Variants in VAV1 observed in about 807,000 individuals in gnomAD.
The protein encoded by VAV1 is vav guanine nucleotide exchange factor 1, also known as proto-oncogene vav.
In VAV1, 33 loss-of-function variants were observed where a neutral mutation model predicts 128.1. The ratio of observed to expected loss-of-function variants is 0.26; its 90% CI spans 0.20 to 0.34. The LOEUF (loss-of-function observed/expected upper bound fraction) is 0.34. Ranked by LOEUF, VAV1 falls within the 10% of genes least tolerant of loss-of-function variation. The probability of loss-of-function intolerance (pLI) is 1.00; values close to 1 mark genes in which losing one functional copy is unlikely to be tolerated. For synonymous variants in VAV1, 394 were observed against 409.8 expected (o/e 0.96, Z 0.47); for missense variants, 715 against 1,093.7 (o/e 0.65, Z 4.88).
At position 6,826,728 on chromosome 19, in the gene VAV1, T is replaced by C. The variant is rs1269745899; in HGVS notation, c.927+17T>C. On this transcript the variant is annotated intron_variant, in intron 9 of 26. Coordinates refer to ENST00000602142, the MANE Select transcript of VAV1 (RefSeq NM_005428.4). This position sits in a 1 kb window ranked among gnomAD's most constrained non-coding sequence, Gnocchi z 4.1. ...AAGCTGGAGGTGGGCGCCGGGCCACTTCTCGGGGGCCTCTCCCGCTCCTCC... is the reference window on the plus strand; with the variant it reads ...AAGCTGGAGGTGGGCGCCGGGCCACCTCTCGGGGGCCTCTCCCGCTCCTCC... 4 of 1,534,266 alleles carry C rather than the reference T, an allele frequency of 2.6e-6. No individual in the cohort carries two copies. In the East Asian group the frequency reaches 7.3e-5, roughly 28 times the overall value.
chr19:6,807,248 A>G (rs930541743), intron 1 of VAV1, among the ~76,000 whole-genome samples: 2 of 151,986 alleles, frequency 1.3e-5, no homozygotes, highest in Admixed American at 1.3e-4. Flanking sequence ...TATACAACTC[A>G]CCATAATGTA....
rs146174304 is a variant in VAV1, at chr19:6,803,003, A to T, written c.205-17699A>T. Among the ~76,000 whole-genome samples the T allele has an allele frequency of 1.6e-4, 25 of 152,290 alleles. No individual in the cohort carries two copies. The East Asian group carries it at 4.4e-3, about 27-fold the overall frequency. ...AGTCTTTGTAGCGGCTTTATTCATGATTGCTGAAACTGGGAGGCAACAAAT... is the reference window on the plus strand; with the variant it reads ...AGTCTTTGTAGCGGCTTTATTCATGTTTGCTGAAACTGGGAGGCAACAAAT... On this transcript the variant is annotated intron_variant, in intron 1 of 26. Transcript: ENST00000602142.
At chr19:6,841,478 CTTT>C (rs35484934) in intron 21 of VAV1, among the ~76,000 whole-genome samples, 5 of 135,626 alleles carry the variant, frequency 3.7e-5, no homozygotes, top group Admixed American at 7.6e-5. Flanking sequence ...TTTTTCTTTT[CTTT>C]TTTTTTTTTT....
Position 6,828,009 on chromosome 19 carries a change from C to T in VAV1, c.928-67C>T. The T allele has an allele frequency of 7.2e-7, 1 of 1,383,700 alleles. No individual in the cohort carries two copies. Among genetic ancestry groups the T allele is most frequent in the South Asian group, 1.2e-5 (1 of 86,008 alleles). The allele number at this position is 1,383,700 out of a possible 1,614,324, so 85.7% of individuals were successfully genotyped here. On this transcript the variant is annotated intron_variant, in intron 9 of 26. Transcript: ENST00000602142. This position sits in a 1 kb window ranked among gnomAD's most constrained non-coding sequence, Gnocchi z 4.5. ...TCACGTATTTATTCAAATCTATCTG[C>T]ACCCACCCTGCAACTGGCTGTTTCT...
At chr19:6,817,338 A>G (rs1004852617) in intron 1 of VAV1, among the ~76,000 whole-genome samples, 1 of 151,962 alleles carries the variant, frequency 6.6e-6, no homozygotes, top group East Asian at 2.0e-4. Context: ...TGCTGCGATT[A>G]CAGGGATGAG....
chr19:6,822,266 T>G lies in VAV1; in HGVS notation c.495T>G (p.Asn165Lys). Residue 165 changes from asparagine to lysine, a missense_variant, in exon 5 of 27, where the codon AAT becomes AAG. Physicochemically the swap from Asn to Lys is moderately conservative, Grantham distance 94. Transcript: ENST00000602142. This position sits in a 1 kb window ranked among gnomAD's most constrained non-coding sequence, Gnocchi z 5.9. ...AGGACCTGTATGACTGCGTGGAGAATGAGGAGGCGGAAGGCGACGAGATCT... is the reference window on the plus strand; with the variant it reads ...AGGACCTGTATGACTGCGTGGAGAAGGAGGAGGCGGAAGGCGACGAGATCT... ...EDEDLYDCVE[N>K]EEAEGDEIYE... is the part of the protein sequence containing the mutation. 6.3e-7 allele frequency: 1 copy of G among 1,592,212 alleles called. No homozygotes were observed. Among genetic ancestry groups the G allele is most frequent in the Non-Finnish European group, 8.5e-7 (1 of 1,171,180 alleles).
At chr19:6,852,669 C>G (rs1280666489) in intron 24 of VAV1, among the ~76,000 whole-genome samples, 1 of 150,788 alleles carries the variant, frequency 6.6e-6, no homozygotes, top group Non-Finnish European at 1.5e-5. Flanking sequence ...TGCAGTGAGC[C>G]GAGATTGCGC....
chr19:6,813,754 T>C (rs1971561642), intron 1 of VAV1, among the ~76,000 whole-genome samples: 1 of 152,130 alleles, frequency 6.6e-6, no homozygotes, highest in African/African-American at 2.4e-5. Context: ...ATTGAAGATT[T>C]TAAAACTTGA....
chr19:6,839,748 A>G (rs547702771), intron 21 of VAV1, among the ~76,000 whole-genome samples: 6 of 152,134 alleles, frequency 3.9e-5, no homozygotes, highest in South Asian at 2.1e-4. Context: ...CTGGAGTGCA[A>G]TGGTGCAATC....
chr19:6,807,788 C>T lies in VAV1; in HGVS notation c.205-12914C>T, dbSNP rs773309888. On this transcript the variant is annotated intron_variant, in intron 1 of 26. Transcript: ENST00000602142. ...TGGGCAGATCATGAGGTCAGGAGTT[C>T]GAGACTAGTCTGACCAAGATGGTGA... Among the ~76,000 whole-genome samples, 6 of 151,420 alleles carry T rather than the reference C, an allele frequency of 4.0e-5. No homozygotes were observed. In the South Asian group the frequency reaches 6.3e-4, roughly 16 times the overall value.
At chr19:6,805,619 C>CACACACACACAT (rs1971380348) in intron 1 of VAV1, among the ~76,000 whole-genome samples, 1 of 149,664 alleles carries the variant, frequency 6.7e-6, no homozygotes, top group Non-Finnish European at 1.5e-5. Flanking sequence ...CACACATACA[C>CACACACACACAT]GCACACACAC....
chr19:6,833,147 C>T (rs1004660012), intron 15 of VAV1, 37 bp from the exon 16 acceptor site: 22 of 1,430,348 alleles, frequency 1.5e-5, no homozygotes, highest in Non-Finnish European at 2.1e-5. Context: ...AAAATACTGA[C>T]CTTCTTTTTT....
At chr19:6,793,430 G>C (rs1336330202) in intron 1 of VAV1, among the ~76,000 whole-genome samples, 1 of 152,084 alleles carries the variant, frequency 6.6e-6, no homozygotes, top group African/African-American at 2.4e-5. Flanking sequence ...GACAAATCCT[G>C]TTTGTTGGTA....
rs79255239 is a variant in VAV1 at position 6,790,764 on chromosome 19, T to C, written c.204+17753T>C. ...CAGTGCTGCAGGCATATTTATCCCG[T>C]TTTAATTATATGCAAATCAAGGGGT... On this transcript the variant is annotated intron_variant, in intron 1 of 26. Coordinates refer to ENST00000602142, the MANE Select transcript of VAV1 (RefSeq NM_005428.4). 3.9e-3 allele frequency among the ~76,000 whole-genome samples: 597 copies of C among 152,262 alleles called. 6 individuals are homozygous for C. The highest frequency in any genetic ancestry group is 0.013 in the African/African-American group (554 of 41,548).
At chr19:6,787,204 C>A (rs1260906214) in intron 1 of VAV1, among the ~76,000 whole-genome samples, 1 of 152,100 alleles carries the variant, frequency 6.6e-6, no homozygotes, top group East Asian at 1.9e-4. Flanking sequence ...GAGACAGGGT[C>A]TCACTCTGTC....
intron 19 of VAV1, among the ~76,000 whole-genome samples, chr19:6,835,165 C>G (rs1972189256): frequency 6.6e-6 from 1 of 151,270 alleles, no homozygotes; most frequent in African/African-American, 2.4e-5. Flanking sequence ...TTAGAAACAA[C>G]CCGTGTCCTT....
rs368374146 is a variant in VAV1 at position 6,825,117 on chromosome 19, T to C, written c.719T>C (p.Ile240Thr). Residue 240 changes from isoleucine to threonine, a missense_variant, in exon 7 of 27, where the codon ATT becomes ACT. Transcript: ENST00000602142. ...GACATTGAGATCATCTTTATCAACATTGAGGTGAGCCGGCCGATCCCCAGC... is the reference window on the plus strand; with the variant it reads ...GACATTGAGATCATCTTTATCAACACTGAGGTGAGCCGGCCGATCCCCAGC... ...PQDIEIIFINIEDLLRVHTHF... is the reference protein window; with the variant it reads ...PQDIEIIFINTEDLLRVHTHF... 1.3e-5 allele frequency: 21 copies of C among 1,612,204 alleles called. No homozygotes were observed. Among genetic ancestry groups the C allele is most frequent in the African/African-American group, 6.7e-5 (5 of 74,848 alleles).
At chr19:6,787,878 C>G (rs1490411742) in intron 1 of VAV1, among the ~76,000 whole-genome samples, 1 of 151,910 alleles carries the variant, frequency 6.6e-6, no homozygotes, top group Non-Finnish European at 1.5e-5. Context: ...AGATCGAGAC[C>G]ATCCTGGCTA....
chr19:6,807,751 G>T (rs28835675), intron 1 of VAV1, among the ~76,000 whole-genome samples: 3 of 151,598 alleles, frequency 2.0e-5, no homozygotes, highest in Admixed American at 6.6e-5. Flanking sequence ...CCAGCACTTT[G>T]GGAGGCCAAG....
Sources: allele counts gnomAD v4.1 joint callset (sites outside exome capture counted in the v4.1 genomes callset), GRCh38; gene constraint gnomAD v4.1.1; non-coding constraint Gnocchi (gnomAD v3.1); transcripts MANE v1.5; gene names NCBI Gene and HGNC (gene_info 2026-07-23, HGNC 2026-07-21).